The following COL9A1 variants were observed in gnomAD, a reference collection of about 807,000 sequenced individuals.
COL9A1 encodes the protein collagen type IX alpha 1 chain, also known as collagen alpha-1(IX) chain.
In COL9A1, 104 loss-of-function variants were observed where a neutral mutation model predicts 142.6. The observed-to-expected ratio is 0.73, with a 90% CI of 0.62 to 0.86. The LOEUF is 0.86. Ranked by LOEUF, COL9A1 falls within the 40% of genes least tolerant of loss-of-function variation. The pLI, the probability that COL9A1 is intolerant of heterozygous loss-of-function variation, is 0.00. For synonymous variants in COL9A1, 466 were observed against 396.0 expected (o/e 1.18, Z -2.10); for missense variants, 1,210 against 1,176.6 (o/e 1.03, Z -0.42).
intron 21 of COL9A1, 105 bp downstream of exon 21, chr6:70,256,662 CT>C: frequency 1.2e-6 from 1 of 848,476 alleles, no homozygotes; most frequent in Non-Finnish European, 1.9e-6. Context: ...AAATTGTCCA[CT>C]TTTCCACTTT....
intron 15 of COL9A1, among the ~76,000 whole-genome samples, chr6:70,270,027 T>G (rs1772288829): frequency 6.6e-6 from 1 of 152,252 alleles, no homozygotes; most frequent in African/African-American, 2.4e-5. Flanking sequence ...TTGAAAATGC[T>G]TCATTTATAT....
intron 35 of COL9A1, among the ~76,000 whole-genome samples, chr6:70,233,036 G>C (rs961467718): frequency 1.3e-5 from 2 of 152,106 alleles, no homozygotes; most frequent in African/African-American, 4.8e-5. Flanking sequence ...GAGGTAGCAG[G>C]GGGTGGGATT....
chr6:70,229,549 A>G (rs957982196), intron 36 of COL9A1, among the ~76,000 whole-genome samples: 1 of 152,214 alleles, frequency 6.6e-6, no homozygotes, highest in Admixed American at 6.5e-5. Context: ...GGTGTTAGTC[A>G]TAATTATGAC....
intron 10 of COL9A1, chr6:70,279,990 C>A: frequency 1.4e-6 from 1 of 696,322 alleles, no homozygotes; most frequent in South Asian, 1.6e-5. Flanking sequence ...CTTCATATTC[C>A]AGGGACAAAA....
intron 36 of COL9A1, among the ~76,000 whole-genome samples, chr6:70,227,125 GAA>G (rs1198451671): frequency 6.6e-6 from 1 of 152,014 alleles, no homozygotes; most frequent in Non-Finnish European, 1.5e-5. Context: ...AACTGGAAAA[GAA>G]AAGTTAGATC....
At chr6:70,279,888 T>C (rs991173226) in intron 10 of COL9A1, 12 of 505,588 alleles carry the variant, frequency 2.4e-5, no homozygotes, top group African/African-American at 2.3e-4. Flanking sequence ...GAAAAGTCTT[T>C]AGTTTTTGGA....
intron 36 of COL9A1, among the ~76,000 whole-genome samples, chr6:70,228,816 T>C (rs1222237215): frequency 6.6e-6 from 1 of 152,180 alleles, no homozygotes; most frequent in Non-Finnish European, 1.5e-5. Context: ...TAAGCTAGTT[T>C]TTTTAACATT....
intron 18 of COL9A1, among the ~76,000 whole-genome samples, chr6:70,265,582 C>G (rs1282677360): frequency 2.0e-5 from 3 of 149,886 alleles, no homozygotes; most frequent in South Asian, 2.1e-4. Context: ...TTTGTCAAAA[C>G]TTTTAATGAC....
At chr6:70,250,485 G>C (rs1361580483) in intron 28 of COL9A1, among the ~76,000 whole-genome samples, 2 of 152,208 alleles carry the variant, frequency 1.3e-5, no homozygotes, top group African/African-American at 2.4e-5. Flanking sequence ...TAAGCACAGA[G>C]CAAGTGAGTG....
At chr6:70,261,322 G>A (rs192253358) in intron 19 of COL9A1, among the ~76,000 whole-genome samples, 2 of 152,252 alleles carry the variant, frequency 1.3e-5, no homozygotes, top group Admixed American at 6.5e-5. Context: ...GAGGGGCGGG[G>A]TGTGATTTCT....
intron 36 of COL9A1, among the ~76,000 whole-genome samples, chr6:70,230,143 T>C (rs1160355736): frequency 6.6e-6 from 1 of 152,174 alleles, no homozygotes; most frequent in Non-Finnish European, 1.5e-5. Context: ...AGTTTCAAAT[T>C]GGTGGAATGT....
chr6:70,244,898 A>C (rs1438781547), intron 28 of COL9A1, among the ~76,000 whole-genome samples: 1 of 152,210 alleles, frequency 6.6e-6, no homozygotes, highest in Non-Finnish European at 1.5e-5. Flanking sequence ...AACAGCTCAG[A>C]GACCCACATA....
chr6:70,259,844 G>A (rs1562309495), intron 20 of COL9A1, among the ~76,000 whole-genome samples: 1 of 152,138 alleles, frequency 6.6e-6, no homozygotes, highest in Admixed American at 6.5e-5. Flanking sequence ...AGTGCTGGGG[G>A]AATCTGGTTT....
intron 17 of COL9A1, among the ~76,000 whole-genome samples, chr6:70,267,740 G>A (rs1028704373): frequency 2.0e-5 from 3 of 152,212 alleles, no homozygotes; most frequent in African/African-American, 7.2e-5. Flanking sequence ...GCACGTGTGT[G>A]CTTTGTAACA....
chr6:70,224,122 A>T (rs1769073127), intron 37 of COL9A1, among the ~76,000 whole-genome samples: 1 of 152,248 alleles, frequency 6.6e-6, no homozygotes, highest in Non-Finnish European at 1.5e-5. Flanking sequence ...ATTTAAGATT[A>T]AATCCAAGAT....
intron 18 of COL9A1, among the ~76,000 whole-genome samples, chr6:70,265,504 T>TTC (rs2127585298): frequency 6.6e-6 from 1 of 151,492 alleles, no homozygotes; most frequent in East Asian, 1.9e-4. Flanking sequence ...CTTGTACTTT[T>TTC]TTTTTTTTTT....
chr6:70,302,573 T>C (rs1774114044), intron 1 of COL9A1, among the ~76,000 whole-genome samples: 1 of 152,170 alleles, frequency 6.6e-6, no homozygotes, highest in South Asian at 2.1e-4. Flanking sequence ...CCCACTGTCG[T>C]TGTTGTTTTA....
rs375192821 is a variant in COL9A1 at position 70,266,750 on chromosome 6, T to C, written c.1308A>G (p.Gly436=). ...PGMRGHKGAK[G]EIGEPGRQGH... is the part of the protein sequence containing the mutation. ...CTTGTCTTCCTGGTTCACCAATTTC[T>C]CCTTTAGCCCCTTTATGACCCTAAC... Residue 436 remains glycine (G), a synonymous_variant, in exon 18 of 38, where the codon GGA becomes GGG. Transcript: ENST00000357250. 7 of 1,613,510 alleles carry C rather than the reference T, an allele frequency of 4.3e-6. No homozygotes were observed. Among genetic ancestry groups the C allele is most frequent in the East Asian group, 4.5e-5 (2 of 44,808 alleles).
chr6:70,221,779 A>T (rs1768893950), intron 37 of COL9A1, among the ~76,000 whole-genome samples: 1 of 152,176 alleles, frequency 6.6e-6, no homozygotes, highest in Non-Finnish European at 1.5e-5. Context: ...GTTCCTTTAA[A>T]ATTCTCAGAG....
Sources: allele counts gnomAD v4.1 joint callset (sites outside exome capture counted in the v4.1 genomes callset), GRCh38; gene constraint gnomAD v4.1.1; transcripts MANE v1.5; gene names NCBI Gene and HGNC (gene_info 2026-07-23, HGNC 2026-07-21).